The following NREP variants were observed in gnomAD, a reference collection of about 807,000 sequenced individuals.
NREP encodes the protein neuronal regeneration related protein, also known as neuronal regeneration-related protein.
In NREP, 5 loss-of-function variants were observed where a neutral mutation model predicts 8.6. The observed-to-expected ratio is 0.58, with a 90% confidence interval of 0.30 to 1.22. NREP has a LOEUF of 1.22. NREP is among the 50% of genes most tolerant of loss of function. The pLI is 0.07. For synonymous variants in NREP, 27 were observed against 28.0 expected (o/e 0.96, Z 0.11); for missense variants, 86 against 82.5 (o/e 1.04, Z -0.17).
chr5:111,957,709 A>C (rs1756364624), intron 2 of NREP, among the ~76,000 whole-genome samples: 1 of 151,572 alleles, frequency 6.6e-6, no homozygotes, highest in Non-Finnish European at 1.5e-5. Context: ...ATATATATAC[A>C]CACACACACA....
At chr5:111,954,523 A>G (rs1384127315) in intron 2 of NREP, among the ~76,000 whole-genome samples, 1 of 152,160 alleles carries the variant, frequency 6.6e-6, no homozygotes, top group African/African-American at 2.4e-5. Context: ...GCATTTTGAT[A>G]CCATTGAAGT....
chr5:111,966,676 G>T (rs761262524), intron 2 of NREP, among the ~76,000 whole-genome samples: 1 of 152,144 alleles, frequency 6.6e-6, no homozygotes, highest in Non-Finnish European at 1.5e-5. Flanking sequence ...GGCTTTAAAG[G>T]AAAGTATTAT....
At chr5:111,773,777 T>C (rs1478373455) in intron 2 of NREP, among the ~76,000 whole-genome samples, 1 of 152,218 alleles carries the variant, frequency 6.6e-6, no homozygotes, top group Admixed American at 6.5e-5. Flanking sequence ...ATATTCTTTC[T>C]TATTTTTTGA....
intron 2 of NREP, among the ~76,000 whole-genome samples, chr5:111,854,649 T>A (rs1753385708): frequency 1.3e-5 from 2 of 152,216 alleles, no homozygotes; most frequent in Non-Finnish European, 2.9e-5. Context: ...ATAGTTCTAA[T>A]CAATTAATTC....
chr5:111,931,090 G>T (rs1349951181), intron 2 of NREP, among the ~76,000 whole-genome samples: 1 of 151,988 alleles, frequency 6.6e-6, no homozygotes, highest in African/African-American at 2.4e-5. Context: ...AAATAATCCA[G>T]GCACTGTCTT....
chr5:111,896,079 A>G lies in NREP; in HGVS notation c.135+79195T>C, dbSNP rs530686458. 3.9e-4 allele frequency among the ~76,000 whole-genome samples: 59 copies of G among 152,292 alleles called. 1 individual carries two copies. In the South Asian group the frequency reaches 0.012, roughly 30 times the overall value. ...GTAACATGATTCTTTTTTGTTTTCA[A>G]AAAGATCATCTTAGCTGTTAAACAG... On this transcript the variant is annotated intron_variant, in intron 2 of 3. Coordinates refer to the NREP transcript ENST00000395634.
intron 2 of NREP, among the ~76,000 whole-genome samples, chr5:111,953,924 C>A (rs1394330657): frequency 6.6e-6 from 1 of 152,046 alleles, no homozygotes; most frequent in East Asian, 1.9e-4. Flanking sequence ...CTCACATCCT[C>A]AAAGTATCAC....
intron 2 of NREP, among the ~76,000 whole-genome samples, chr5:111,904,103 G>C (rs1754718466): frequency 6.6e-6 from 1 of 152,158 alleles, no homozygotes; most frequent in Admixed American, 6.6e-5. Context: ...GCAGCTATTA[G>C]AGATAATTCC....
At chr5:111,958,450 G>C (rs1299143497) in intron 2 of NREP, among the ~76,000 whole-genome samples, 1 of 151,870 alleles carries the variant, frequency 6.6e-6, no homozygotes, top group Non-Finnish European at 1.5e-5. Flanking sequence ...AAAATGCAGT[G>C]TTTTAAAACT....
At chr5:111,758,170 G>A (rs1177643111), upstream of NREP, 1 of 985,452 alleles carries the variant, frequency 1.0e-6, no homozygotes, top group African/African-American at 1.7e-5. Flanking sequence ...GAAGCCCGGG[G>A]CGGGGAGCGC....
intron 2 of NREP, among the ~76,000 whole-genome samples, chr5:111,929,157 CT>C (rs1755471095): frequency 6.6e-6 from 1 of 152,082 alleles, no homozygotes; most frequent in Non-Finnish European, 1.5e-5. Context: ...TTGAATTCTA[CT>C]GTCTTTTGCT....
chr5:111,873,057 T>C (rs1753825721), intron 2 of NREP, among the ~76,000 whole-genome samples: 1 of 152,160 alleles, frequency 6.6e-6, no homozygotes, highest in African/African-American at 2.4e-5. Flanking sequence ...AAGCCTTCAT[T>C]TGGACAATGG....
intron 2 of NREP, among the ~76,000 whole-genome samples, chr5:111,736,067 G>A (rs1032139446): frequency 2.0e-5 from 3 of 152,128 alleles, no homozygotes; most frequent in Admixed American, 1.3e-4. Context: ...ATGATTCAGA[G>A]AATACTAGCT....
chr5:111,761,138 T>C (rs567276090), upstream of NREP, among the ~76,000 whole-genome samples: 2 of 152,306 alleles, frequency 1.3e-5, no homozygotes, highest in South Asian at 2.1e-4. Flanking sequence ...TAGTGCCAAA[T>C]TGTTGTATTA....
intron 2 of NREP, among the ~76,000 whole-genome samples, chr5:111,908,512 T>C (rs1754830436): frequency 6.6e-6 from 1 of 152,082 alleles, no homozygotes; most frequent in Non-Finnish European, 1.5e-5. Flanking sequence ...TTTCCACTTA[T>C]AAGTGAGAAC....
At chr5:111,824,299 G>A (rs1456163628) in intron 2 of NREP, among the ~76,000 whole-genome samples, 1 of 152,192 alleles carries the variant, frequency 6.6e-6, no homozygotes, top group Non-Finnish European at 1.5e-5. Flanking sequence ...AACCAGGGAG[G>A]CGGAGCTTCC....
rs115321327 is a variant in NREP at position 111,879,681 on chromosome 5, C to T, written c.135+95593G>A. 2.1e-3 allele frequency among the ~76,000 whole-genome samples: 324 copies of T among 152,262 alleles called. 3 individuals are homozygous for T. The highest frequency in any genetic ancestry group is 7.3e-3 in the African/African-American group (304 of 41,548). ...TAACGATATACCGTAGACTGGACAA[C>T]TTAACAAAAATTTATTTTCTCACAG... On this transcript the variant is annotated intron_variant, in intron 2 of 3. Transcript: ENST00000395634.
chr5:111,778,936 TA>T (rs1246821708), intron 2 of NREP, among the ~76,000 whole-genome samples: 1 of 152,172 alleles, frequency 6.6e-6, no homozygotes, highest in Admixed American at 6.5e-5. Flanking sequence ...AAGTATGTTT[TA>T]TTTTTTTAAT....
intron 2 of NREP, among the ~76,000 whole-genome samples, chr5:111,953,021 C>A (rs1335361762): frequency 6.6e-6 from 1 of 152,016 alleles, no homozygotes; most frequent in East Asian, 1.9e-4. Flanking sequence ...TCACATGTAC[C>A]TGTCAAATTA....
Sources: allele counts gnomAD v4.1 joint callset (sites outside exome capture counted in the v4.1 genomes callset), GRCh38; gene constraint gnomAD v4.1.1; transcripts MANE v1.5; gene names NCBI Gene and HGNC (gene_info 2026-07-23, HGNC 2026-07-21).